The following CDK17 variants were observed in gnomAD, a reference collection of about 807,000 sequenced individuals.
The protein encoded by CDK17 is cyclin-dependent kinase 17.
CDK17 carries 24 observed loss-of-function variants against 77.6 expected under a neutral mutation model. That is an observed-to-expected ratio of 0.31 (90% CI 0.22 to 0.44). CDK17 has a LOEUF of 0.44. Among genes scored for constraint, CDK17 ranks in the 20% least tolerant of loss-of-function variants. CDK17 has a pLI of 1.00. For missense variants in CDK17, 429 were observed against 622.5 expected (o/e 0.69, Z 3.31); for synonymous variants, 203 against 210.4 (o/e 0.96, Z 0.30).
chr12:96,297,192 G>C, intron 9 of CDK17, 78 bp downstream of exon 9: 2 of 850,574 alleles, frequency 2.4e-6, no homozygotes, highest in Admixed American at 2.2e-5. Context: ...AGAGTTATGA[G>C]GCTGGTACAT....
At chr12:96,383,742 G>A (rs1953925082) in intron 1 of CDK17, among the ~76,000 whole-genome samples, 1 of 152,068 alleles carries the variant, frequency 6.6e-6, no homozygotes, top group South Asian at 2.1e-4. Flanking sequence ...ATGAAAGTGG[G>A]CCCCTACTTT....
intron 10 of CDK17, among the ~76,000 whole-genome samples, chr12:96,292,923 G>C (rs1381876243): frequency 2.0e-5 from 3 of 152,042 alleles, no homozygotes; most frequent in African/African-American, 7.2e-5. Flanking sequence ...GGTATATTAA[G>C]GGAACGCCTT....
intron 1 of CDK17, among the ~76,000 whole-genome samples, chr12:96,367,344 CAAAAAAAAAAAAA>C (rs56689330): frequency 9.4e-5 from 6 of 63,512 alleles, no homozygotes; most frequent in South Asian, 8.9e-4. Context: ...GACTCCACCT[CAAAAAAAAAAAAA>C]AAAAAAAAAA....
At chr12:96,340,505 TAAAG>T (rs1953107195) in intron 1 of CDK17, among the ~76,000 whole-genome samples, 1 of 152,130 alleles carries the variant, frequency 6.6e-6, no homozygotes, top group African/African-American at 2.4e-5. Flanking sequence ...ACACAGATAA[TAAAG>T]AATTTCATTA....
intron 5 of CDK17, among the ~76,000 whole-genome samples, chr12:96,302,757 A>C (rs1456927962): frequency 1.3e-5 from 2 of 152,192 alleles, no homozygotes; most frequent in Non-Finnish European, 2.9e-5. Flanking sequence ...TTACTATGAC[A>C]AAATGTCGAG....
intron 5 of CDK17, among the ~76,000 whole-genome samples, chr12:96,303,978 A>G (rs1952542035): frequency 6.6e-6 from 1 of 152,214 alleles, no homozygotes; most frequent in Non-Finnish European, 1.5e-5. Context: ...CTCCTAAGAT[A>G]AAGTTTAATT....
chr12:96,347,762 C>T (rs547597933), intron 1 of CDK17, among the ~76,000 whole-genome samples: 1 of 152,030 alleles, frequency 6.6e-6, no homozygotes, highest in East Asian at 1.9e-4. Flanking sequence ...TCTTCAAGCG[C>T]ATATGGAACA....
chr12:96,327,250 T>C (rs1952903123), intron 2 of CDK17, among the ~76,000 whole-genome samples: 1 of 152,186 alleles, frequency 6.6e-6, no homozygotes, highest in Non-Finnish European at 1.5e-5. Flanking sequence ...GTAACTTCCT[T>C]TATATTTGTA....
At chr12:96,300,272 ATGTGTCT>A (rs1433258993) in intron 6 of CDK17, 25 bp downstream of exon 6, 2 of 1,443,138 alleles carry the variant, frequency 1.4e-6, no homozygotes, top group Non-Finnish European at 9.6e-7. Context: ...TAAGAAAAAA[ATGTGTCT>A]TACATTTTTG....
chr12:96,357,192 T>C (rs978567932), intron 1 of CDK17, among the ~76,000 whole-genome samples: 2 of 152,202 alleles, frequency 1.3e-5, no homozygotes, highest in Admixed American at 1.3e-4. Flanking sequence ...CCAGGCACTG[T>C]GGCTCATGGC....
chr12:96,383,467 C>A (rs1472135644), intron 1 of CDK17, among the ~76,000 whole-genome samples: 1 of 149,014 alleles, frequency 6.7e-6, no homozygotes, highest in Non-Finnish European at 1.5e-5. Context: ...GCCAAAGCAA[C>A]CCTAAGCAGA....
At chr12:96,299,229 G>A (rs752004383) in intron 6 of CDK17, among the ~76,000 whole-genome samples, 9 of 152,104 alleles carry the variant, frequency 5.9e-5, no homozygotes, top group Non-Finnish European at 7.4e-5. Flanking sequence ...AACATAGACA[G>A]AATATTTACT....
intron 6 of CDK17, among the ~76,000 whole-genome samples, 187 bp downstream of exon 6, chr12:96,300,117 G>A (rs1422317984): frequency 1.3e-5 from 2 of 152,098 alleles, no homozygotes; most frequent in African/African-American, 4.8e-5. Flanking sequence ...CTCTCAAACT[G>A]ATGGGATAAT....
intron 1 of CDK17, among the ~76,000 whole-genome samples, chr12:96,381,008 C>T (rs1247058420): frequency 6.6e-6 from 1 of 152,146 alleles, no homozygotes; most frequent in Non-Finnish European, 1.5e-5. Context: ...TCATCTGAGA[C>T]ATCTACTTAA....
chr12:96,388,595 C>A (rs944352241), intron 1 of CDK17, among the ~76,000 whole-genome samples: 1 of 152,172 alleles, frequency 6.6e-6, no homozygotes, highest in Non-Finnish European at 1.5e-5. Flanking sequence ...CAATGTGAAG[C>A]AATGGATTAA....
At chr12:96,288,778 TA>T (rs1226303062) in intron 11 of CDK17, among the ~76,000 whole-genome samples, 1 of 152,194 alleles carries the variant, frequency 6.6e-6, no homozygotes, top group Admixed American at 6.5e-5. Flanking sequence ...TGGTGAATAT[TA>T]AATGATGATA....
chr12:96,309,420 AC>A (rs1952618719), intron 5 of CDK17, among the ~76,000 whole-genome samples: 1 of 152,224 alleles, frequency 6.6e-6, no homozygotes, highest in Non-Finnish European at 1.5e-5. Flanking sequence ...ATGTATCTCT[AC>A]TACAGGACTA....
At chr12:96,394,755 C>T (rs939326211) in intron 1 of CDK17, among the ~76,000 whole-genome samples, 1 of 144,182 alleles carries the variant, frequency 6.9e-6, no homozygotes, top group Admixed American at 7.1e-5. Flanking sequence ...GCAACTGCAA[C>T]ACTGCACTCC....
intron 1 of CDK17, among the ~76,000 whole-genome samples, chr12:96,373,329 GTGCCT>G (rs1953722383): frequency 6.6e-6 from 1 of 152,114 alleles, no homozygotes; most frequent in African/African-American, 2.4e-5. Context: ...GGCTCCCAAA[GTGCCT>G]GTAATCCCAG....
Sources: allele counts gnomAD v4.1 joint callset (sites outside exome capture counted in the v4.1 genomes callset), GRCh38; gene constraint gnomAD v4.1.1; transcripts MANE v1.5; gene names NCBI Gene and HGNC (gene_info 2026-07-23, HGNC 2026-07-21).